ST13: variants seen among roughly 807,000 people sequenced by gnomAD.
The protein encoded by ST13 is hsc70-interacting protein.
ST13 carries 23 observed loss-of-function variants against 56.7 expected under a neutral mutation model. The ratio of observed to expected loss-of-function variants is 0.41; its 90% CI spans 0.29 to 0.57. The LOEUF (loss-of-function observed/expected upper bound fraction) is 0.57, where lower values mean the gene tolerates loss of function less well. Ranked by LOEUF, ST13 falls within the 20% of genes least tolerant of loss-of-function variation. ST13 has a pLI of 0.36. For synonymous variants in ST13, 132 were observed against 142.4 expected, an observed-to-expected ratio of 0.93 and a Z score of 0.52; for missense variants, 369 against 459.9, an observed-to-expected ratio of 0.80 and a Z score of 1.81.
At chr22:40,856,306 C>A (rs897447468) in intron 1 of ST13, 125 bp downstream of exon 1, 1 of 818,588 alleles carries the variant, frequency 1.2e-6, no homozygotes, top group Non-Finnish European at 2.1e-6. Context: ...GAAGTTGCCT[C>A]CCTTTCCCGG....
chr22:40,837,499 A>C (rs967950124), intron 5 of ST13, among the ~76,000 whole-genome samples: 3 of 152,174 alleles, frequency 2.0e-5, no homozygotes, highest in Non-Finnish European at 4.4e-5. Context: ...ATATAAAATT[A>C]GCCGCATATG....
chr22:40,849,768 T>G (rs1009500657), intron 2 of ST13, among the ~76,000 whole-genome samples: 1 of 152,172 alleles, frequency 6.6e-6, no homozygotes, highest in Non-Finnish European at 1.5e-5. Context: ...AACTACTTTT[T>G]GGGCTTTTGC....
chr22:40,840,619 T>C lies in ST13; in HGVS notation c.382+7A>G. ...TACCATAGAAATGTAGCAAAAAGAT[T>C]ACTCACCATCATTTAGGGCTTCAAT... On this transcript the variant is annotated splice_region_variant and intron_variant, in intron 5 of 11. Transcript: ENST00000216218. 1 of 1,608,110 alleles carries C rather than the reference T, an allele frequency of 6.2e-7. No homozygotes were observed. The highest frequency in any genetic ancestry group is 8.5e-7 in the Non-Finnish European group (1 of 1,178,122).
At chr22:40,835,314 T>A in intron 7 of ST13, 1 of 307,232 alleles carries the variant, frequency 3.3e-6, no homozygotes, top group Non-Finnish European at 6.1e-6. Flanking sequence ...TTTATTTGAA[T>A]GAAAAAAATG....
intron 3 of ST13, among the ~76,000 whole-genome samples, 156 bp downstream of exon 3, chr22:40,848,138 C>A (rs548018593): frequency 6.6e-6 from 1 of 152,286 alleles, no homozygotes; most frequent in East Asian, 1.9e-4. Flanking sequence ...TTTCATGTTT[C>A]CTTTTACTTT....
chr22:40,844,814 C>A (rs768570265), intron 4 of ST13, 25 bp downstream of exon 4: 27 of 1,591,236 alleles, frequency 1.7e-5, no homozygotes, highest in Non-Finnish European at 2.2e-5. Flanking sequence ...TTAGAACAAG[C>A]AGGAAATCAA....
At chr22:40,855,823 G>A (rs1209495356) in intron 1 of ST13, among the ~76,000 whole-genome samples, 2 of 151,954 alleles carry the variant, frequency 1.3e-5, no homozygotes, top group Non-Finnish European at 2.9e-5. Context: ...AAACATGCCA[G>A]GCCTTAAGAA....
At chr22:40,834,441 A>T (rs1205895297) in intron 7 of ST13, among the ~76,000 whole-genome samples, 2 of 152,256 alleles carry the variant, frequency 1.3e-5, no homozygotes, top group African/African-American at 2.4e-5. Flanking sequence ...AATTTTTACC[A>T]CACAAGTGTC....
chr22:40,826,752 C>T (rs1289485616), intron 11 of ST13, 86 bp from the exon 12 acceptor site: 14 of 1,486,054 alleles, frequency 9.4e-6, no homozygotes, highest in African/African-American at 1.4e-5. Context: ...CTTATTTAGA[C>T]CTGTAATTTG....
rs765972812 is a variant in ST13, at chr22:40,835,791, T to C, written c.467+12A>G. 5.0e-6 allele frequency: 8 copies of C among 1,613,324 alleles called. No homozygotes were observed. In the East Asian group the frequency reaches 8.9e-5, roughly 18 times the overall value. On this transcript the variant is annotated intron_variant, in intron 6 of 11. Coordinates refer to ENST00000216218, the MANE Select transcript of ST13 (RefSeq NM_003932.5). ...ATTTGCCAGGGGATGCTTTTCTGTTTAGAGTTCTCACCTGGCCCTCTTGGC... is the reference window on the plus strand; with the variant it reads ...ATTTGCCAGGGGATGCTTTTCTGTTCAGAGTTCTCACCTGGCCCTCTTGGC...
At chr22:40,831,544 A>G (rs1017324100) in intron 8 of ST13, among the ~76,000 whole-genome samples, 1 of 152,260 alleles carries the variant, frequency 6.6e-6, no homozygotes, top group Admixed American at 6.5e-5. Context: ...AATACATTTA[A>G]GAGATTCATA....
chr22:40,851,946 T>C (rs1189618635), intron 1 of ST13, among the ~76,000 whole-genome samples: 1 of 152,156 alleles, frequency 6.6e-6, no homozygotes, highest in African/African-American at 2.4e-5. Flanking sequence ...GGTTTCACCA[T>C]GTTAGCCAGA....
At chr22:40,828,733 A>G (rs560477648) in intron 10 of ST13, among the ~76,000 whole-genome samples, 3 of 152,344 alleles carry the variant, frequency 2.0e-5, no homozygotes, top group South Asian at 4.1e-4. Context: ...ACCTGCTTCC[A>G]CAGTTAATTA....
chr22:40,848,721 C>T (rs963495537), intron 2 of ST13, among the ~76,000 whole-genome samples: 5 of 151,948 alleles, frequency 3.3e-5, no homozygotes, highest in African/African-American at 4.8e-5. Flanking sequence ...CCAGCCTGGG[C>T]GACAGAGCAA....
At chr22:40,854,980 C>CAT (rs1228983039) in intron 1 of ST13, among the ~76,000 whole-genome samples, 1 of 152,128 alleles carries the variant, frequency 6.6e-6, no homozygotes, top group African/African-American at 2.4e-5. Flanking sequence ...CAGAATTTCA[C>CAT]ATATAAGTAA....
At chr22:40,826,719 GT>G in intron 11 of ST13, 53 bp from the exon 12 acceptor site, 1 of 1,589,510 alleles carries the variant, frequency 6.3e-7, no homozygotes, top group Non-Finnish European at 8.6e-7. Flanking sequence ...GGGTCAGTAA[GT>G]TTATTATCCT....
chr22:40,845,491 G>T (rs1880540238), intron 3 of ST13, among the ~76,000 whole-genome samples: 1 of 152,048 alleles, frequency 6.6e-6, no homozygotes, highest in Non-Finnish European at 1.5e-5. Context: ...TTTAAAAGTA[G>T]CATGGACAAG....
intron 2 of ST13, among the ~76,000 whole-genome samples, chr22:40,850,493 C>A (rs190445876): frequency 6.6e-6 from 1 of 152,254 alleles, no homozygotes; most frequent in Non-Finnish European, 1.5e-5. Context: ...AAATAAAGTA[C>A]CTACAATGCA....
At chr22:40,849,856 T>C (rs535608364) in intron 2 of ST13, among the ~76,000 whole-genome samples, 96 of 143,516 alleles carry the variant, frequency 6.7e-4, no homozygotes, top group Middle Eastern at 7.6e-3. Flanking sequence ...TTTAAGTTTC[T>C]AAATAATAAA....
Sources: allele counts gnomAD v4.1 joint callset (sites outside exome capture counted in the v4.1 genomes callset), GRCh38; gene constraint gnomAD v4.1.1; transcripts MANE v1.5; gene names NCBI Gene and HGNC (gene_info 2026-07-23, HGNC 2026-07-21).